LRRC28: variants seen among roughly 807,000 people sequenced by gnomAD.
The protein encoded by LRRC28 is leucine rich repeat containing 28, also known as leucine-rich repeat-containing protein 28.
Under a neutral mutation model 45.7 loss-of-function variants are expected in LRRC28, and 39 were observed. The observed-to-expected ratio is 0.85, with a 90% confidence interval of 0.66 to 1.12. LRRC28 has a LOEUF of 1.12. Ranked by LOEUF, LRRC28 falls within the 50% of genes most tolerant of loss-of-function variation. LRRC28 has a pLI of 0.00. For missense variants in LRRC28, 435 were observed against 438.5 expected, an observed-to-expected ratio of 0.99 and a Z score of 0.07; for synonymous variants, 206 against 178.8, an observed-to-expected ratio of 1.15 and a Z score of -1.22.
At chr15:99,289,939 CAAAAA>C (rs398028517) in intron 5 of LRRC28, among the ~76,000 whole-genome samples, 1 of 49,736 alleles carries the variant, frequency 2.0e-5, no homozygotes, top group Non-Finnish European at 3.4e-5. Context: ...GACTCCGTCT[CAAAAA>C]AAAAAAAAAA....
At chr15:99,265,499 T>G (rs947231230) in intron 2 of LRRC28, among the ~76,000 whole-genome samples, 1 of 152,190 alleles carries the variant, frequency 6.6e-6, no homozygotes, top group Non-Finnish European at 1.5e-5. Flanking sequence ...AAGTTTCTGA[T>G]GATGACACGG....
chr15:99,265,479 G>A (rs28419007), intron 2 of LRRC28, among the ~76,000 whole-genome samples: 3,082 of 152,232 alleles, frequency 0.02, 94 homozygotes, highest in African/African-American at 0.07. Flanking sequence ...GAAAGACTGT[G>A]GTCATGGAGA....
At chr15:99,286,417 C>T (rs2081961407) in intron 3 of LRRC28, among the ~76,000 whole-genome samples, 1 of 152,202 alleles carries the variant, frequency 6.6e-6, no homozygotes, top group African/African-American at 2.4e-5. Flanking sequence ...AGGCGTGAGC[C>T]ACCGCGCCCG....
intron 9 of LRRC28, among the ~76,000 whole-genome samples, chr15:99,363,764 C>A (rs1957270279): frequency 6.6e-6 from 1 of 152,190 alleles, no homozygotes; most frequent in Non-Finnish European, 1.5e-5. Flanking sequence ...TTTCTTGGCA[C>A]ATTGCCTTGA....
chr15:99,377,855 A>C (rs1445341650), intron 9 of LRRC28, among the ~76,000 whole-genome samples: 1 of 152,028 alleles, frequency 6.6e-6, no homozygotes, highest in East Asian at 1.9e-4. Flanking sequence ...ATGGTTGTAG[A>C]TGTGTGGCAT....
chr15:99,311,912 A>C (rs961043753), intron 5 of LRRC28, among the ~76,000 whole-genome samples: 1 of 152,240 alleles, frequency 6.6e-6, no homozygotes, highest in South Asian at 2.1e-4. Flanking sequence ...ACAGTGAGGA[A>C]AGTGGAAACA....
At chr15:99,372,560 A>G (rs553885989) in intron 9 of LRRC28, among the ~76,000 whole-genome samples, 1 of 152,182 alleles carries the variant, frequency 6.6e-6, no homozygotes, top group Non-Finnish European at 1.5e-5. Flanking sequence ...AGCAGATACA[A>G]TATGTTATTA....
rs1956152469 is a variant in LRRC28, at chr15:99,331,350, G to A, written c.386-2573G>A. ...TTTAGCATTGGCATCAGCACACTTAGAGTGTAATAGTCTAGAAGCTTGTGC... is the reference window on the plus strand; with the variant it reads ...TTTAGCATTGGCATCAGCACACTTAAAGTGTAATAGTCTAGAAGCTTGTGC... On this transcript the variant is annotated intron_variant, in intron 5 of 9. Transcript: ENST00000301981. Among the ~76,000 whole-genome samples the A allele has an allele frequency of 2.6e-5, 4 of 152,266 alleles. No homozygotes were observed. The South Asian group carries it at 8.3e-4, about 32-fold the overall frequency.
intron 2 of LRRC28, among the ~76,000 whole-genome samples, chr15:99,262,119 T>C (rs2081214372): frequency 1.3e-5 from 2 of 152,316 alleles, no homozygotes; most frequent in African/African-American, 4.8e-5. Flanking sequence ...TAACAAAAAA[T>C]CATACATATT....
At chr15:99,375,400 T>G (rs1294035748) in intron 9 of LRRC28, among the ~76,000 whole-genome samples, 1 of 152,210 alleles carries the variant, frequency 6.6e-6, no homozygotes, top group Non-Finnish European at 1.5e-5. Flanking sequence ...AAAATCTTTG[T>G]TCATGAAAGA....
intron 1 of LRRC28, among the ~76,000 whole-genome samples, chr15:99,252,481 C>T (rs1056473794): frequency 6.6e-6 from 1 of 152,204 alleles, no homozygotes; most frequent in Admixed American, 6.5e-5. Flanking sequence ...CTTATTGAAT[C>T]TTCCTTCAGT....
chr15:99,380,236 A>G (rs1597472221), intron 9 of LRRC28, among the ~76,000 whole-genome samples: 3 of 152,296 alleles, frequency 2.0e-5, no homozygotes, highest in Non-Finnish European at 1.5e-5. Flanking sequence ...GTGGGTGCAT[A>G]TATATTTAGG....
chr15:99,259,361 T>G, intron 2 of LRRC28: 1 of 1,551,268 alleles, frequency 6.4e-7, no homozygotes, highest in Non-Finnish European at 8.9e-7. Flanking sequence ...CCTTCCCGAA[T>G]TTGATGGGAA....
chr15:99,293,632 A>AAAAAAAAAC (rs2082191267), intron 5 of LRRC28, among the ~76,000 whole-genome samples: 1 of 142,134 alleles, frequency 7.0e-6, no homozygotes, highest in Non-Finnish European at 1.5e-5. Context: ...AAAAAAAAAA[A>AAAAAAAAAC]ACCTAAACAA....
intron 2 of LRRC28, among the ~76,000 whole-genome samples, chr15:99,261,517 C>T (rs2081197767): frequency 6.6e-6 from 1 of 152,268 alleles, no homozygotes. Flanking sequence ...TGTATTCTCA[C>T]ATGGTGGAAG....
chr15:99,362,932 AT>A (rs1346934174), intron 8 of LRRC28, among the ~76,000 whole-genome samples, 173 bp from the exon 9 acceptor site: 3 of 152,210 alleles, frequency 2.0e-5, no homozygotes, highest in Non-Finnish European at 4.4e-5. Context: ...TAAAAAAAAA[AT>A]TTCATTTTCA....
chr15:99,341,452 G>C (rs1956510390), intron 6 of LRRC28, among the ~76,000 whole-genome samples: 1 of 152,140 alleles, frequency 6.6e-6, no homozygotes, highest in South Asian at 2.1e-4. Context: ...TTTTGCTCTT[G>C]TGTTAGGTTT....
At chr15:99,311,054 A>C (rs1955390225) in intron 5 of LRRC28, among the ~76,000 whole-genome samples, 1 of 152,138 alleles carries the variant, frequency 6.6e-6, no homozygotes, top group Non-Finnish European at 1.5e-5. Flanking sequence ...TGGTGTCCTT[A>C]GTCTGCACAC....
intron 1 of LRRC28, among the ~76,000 whole-genome samples, chr15:99,252,733 C>A (rs1414339457): frequency 6.6e-6 from 1 of 152,202 alleles, no homozygotes; most frequent in Non-Finnish European, 1.5e-5. Context: ...CAATGTTCTT[C>A]CACATGTCAT....
Sources: gnomAD v4.1 joint callset for allele counts (sites outside exome capture counted in the v4.1 genomes callset) on GRCh38, gnomAD v4.1.1 for gene constraint, MANE v1.5 for transcripts, NCBI Gene and HGNC (gene_info 2026-07-23, HGNC 2026-07-21) for gene names.